The following TMEM229B variants were observed in gnomAD, a reference collection of about 807,000 sequenced individuals.
TMEM229B encodes the protein transmembrane protein 229B.
In TMEM229B, 6 loss-of-function variants were observed where a neutral mutation model predicts 13.7. That is an observed-to-expected ratio of 0.44 (90% CI 0.24 to 0.86). TMEM229B has a LOEUF of 0.86. TMEM229B is among the 40% of genes least tolerant of loss of function. TMEM229B has a pLI of 0.23. For missense variants in TMEM229B, 170 were observed against 236.0 expected (o/e 0.72, Z 1.83); for synonymous variants, 107 against 102.1 (o/e 1.05, Z -0.29).
intron 1 of TMEM229B, among the ~76,000 whole-genome samples, chr14:67,488,072 C>G (rs1216359220): frequency 6.6e-6 from 1 of 152,246 alleles, no homozygotes; most frequent in Non-Finnish European, 1.5e-5. Context: ...AAGGACAGCA[C>G]TCAGGCCCAG....
At chr14:67,481,181 G>A (rs914318916) in intron 2 of TMEM229B, among the ~76,000 whole-genome samples, 2 of 152,146 alleles carry the variant, frequency 1.3e-5, no homozygotes, top group African/African-American at 2.4e-5. Context: ...AGTCCCAGAC[G>A]CTAAGGCAGG....
chr14:67,477,080 C>T lies in TMEM229B; in HGVS notation c.-18-3139G>A, dbSNP rs1184950336. Among the ~76,000 whole-genome samples the T allele has an allele frequency of 7.9e-5, 12 of 152,072 alleles. No individual in the cohort carries two copies. In the South Asian group the frequency reaches 1.7e-3, roughly 21 times the overall value. On this transcript the variant is annotated intron_variant, in intron 2 of 2. Transcript: ENST00000554480. Reference sequence around the variant, plus strand: ...ACTTAGGAGGCTGAGACAGGAGAACCGCTTGAACCTGGGAGGTGGAGGTTG... The same window carrying T: ...ACTTAGGAGGCTGAGACAGGAGAACTGCTTGAACCTGGGAGGTGGAGGTTG...
Position 67,473,483 on chromosome 14 carries a change from G to A in TMEM229B, c.441C>T (p.Asp147=), listed in dbSNP as rs763568464. Reference sequence around the variant, plus strand: ...CGCCGCTGGGCTCCCCGGGCTCAGCGTCCTTGTCGAAGCGGAGGCGGAGGG... The same window carrying A: ...CGCCGCTGGGCTCCCCGGGCTCAGCATCCTTGTCGAAGCGGAGGCGGAGGG... ...RNTLRLRFDK[D]AEPGEPSGAL... The change falls in exon 3 of 3, where the codon GAC becomes GAT. Residue 147 remains aspartate (D), a synonymous_variant. Transcript: ENST00000554480. This position sits in a 1 kb window ranked among gnomAD's most constrained non-coding sequence, Gnocchi z 6.5. The A allele has an allele frequency of 1.1e-5, 17 of 1,614,090 alleles. No individual in the cohort carries two copies. Among genetic ancestry groups the A allele is most frequent in the East Asian group, 4.5e-5 (2 of 44,890 alleles).
At chr14:67,495,006 T>C (rs537383180) in intron 1 of TMEM229B, among the ~76,000 whole-genome samples, 2 of 152,326 alleles carry the variant, frequency 1.3e-5, no homozygotes, top group South Asian at 2.1e-4. Flanking sequence ...CAGGTGAATC[T>C]GGGTAAAGAG....
At chr14:67,520,536 A>C (rs113160497) in intron 1 of TMEM229B, among the ~76,000 whole-genome samples, 9 of 152,394 alleles carry the variant, frequency 5.9e-5, no homozygotes, top group African/African-American at 1.9e-4. Context: ...TCAGCATTGA[A>C]TAATATTCCA....
At position 67,471,921 on chromosome 14, in the gene TMEM229B, G is replaced by T. The variant is rs1316133; in HGVS notation, c.*1499C>A. On this transcript the variant is annotated 3_prime_UTR_variant, in exon 3 of 3. Coordinates refer to ENST00000554480, the MANE Select transcript of TMEM229B (RefSeq NM_001348543.2). ...TCAAGAAGAGACCATGTACCATGGG[G>T]TGGGCCACTTTCTAACGGACCCTTC... The T allele has an allele frequency of 6.6e-6, 1 of 152,150 alleles. No individual in the cohort carries two copies. Among genetic ancestry groups the T allele is most frequent in the Admixed American group, 6.5e-5 (1 of 15,278 alleles). The allele number at this position is 152,150 out of a possible 1,614,324, so 9.4% of individuals were successfully genotyped here.
At chr14:67,514,937 CG>C (rs2033152236) in intron 1 of TMEM229B, 1 of 151,998 alleles carries the variant, frequency 6.6e-6, no homozygotes, top group African/African-American at 2.4e-5. Context: ...AAAGAGGAAG[CG>C]GGATCTGCTA....
At chr14:67,476,772 C>T (rs1293592045) in intron 2 of TMEM229B, among the ~76,000 whole-genome samples, 1 of 152,058 alleles carries the variant, frequency 6.6e-6, no homozygotes, top group East Asian at 1.9e-4. Context: ...GAACTCATCC[C>T]CTGCACATGA....
intron 1 of TMEM229B, among the ~76,000 whole-genome samples, chr14:67,525,875 C>G (rs989912094): frequency 6.6e-6 from 1 of 152,216 alleles, no homozygotes; most frequent in Non-Finnish European, 1.5e-5. Flanking sequence ...GAAATTTCTA[C>G]TTTCAAGATC....
At chr14:67,478,422 C>T (rs987218953) in intron 2 of TMEM229B, among the ~76,000 whole-genome samples, 3 of 152,246 alleles carry the variant, frequency 2.0e-5, no homozygotes, top group Non-Finnish European at 4.4e-5. Flanking sequence ...CTCTGGTTCA[C>T]GCCCTCATCA....
chr14:67,520,891 A>G (rs1312202018), intron 1 of TMEM229B, among the ~76,000 whole-genome samples: 1 of 152,238 alleles, frequency 6.6e-6, no homozygotes, highest in Non-Finnish European at 1.5e-5. Context: ...AAATTTCCAA[A>G]CTGTCTTCCA....
intron 1 of TMEM229B, among the ~76,000 whole-genome samples, chr14:67,511,317 C>T (rs1594715117): frequency 1.3e-5 from 2 of 151,548 alleles, no homozygotes; most frequent in Admixed American, 1.3e-4. Flanking sequence ...TTAGCTCTCC[C>T]TACATTAATT....
chr14:67,504,419 C>T (rs61988190), intron 1 of TMEM229B, among the ~76,000 whole-genome samples: 110,662 of 152,076 alleles, frequency 0.73, 42,092 homozygotes, highest in Non-Finnish European at 0.85. Flanking sequence ...TTATAAGCTA[C>T]CAATAAATGT....
chr14:67,479,311 CAGA>C (rs1404231095), intron 2 of TMEM229B, among the ~76,000 whole-genome samples: 1 of 150,254 alleles, frequency 6.7e-6, no homozygotes, highest in Non-Finnish European at 1.5e-5. Flanking sequence ...GAGGCTGAGG[CAGA>C]AGAATTGCTT....
chr14:67,514,649 C>T (rs1301984293), intron 1 of TMEM229B, among the ~76,000 whole-genome samples: 1 of 152,154 alleles, frequency 6.6e-6, no homozygotes, highest in Non-Finnish European at 1.5e-5. Context: ...GCCCTGGCTC[C>T]CCAGCTTCCA....
chr14:67,496,505 T>C (rs146334260), intron 1 of TMEM229B, among the ~76,000 whole-genome samples: 282 of 143,242 alleles, frequency 2.0e-3, no homozygotes, highest in African/African-American at 7.1e-3. Context: ...CCAGGTTCAA[T>C]AGGGTGTGCG....
chr14:67,514,887 C>T (rs2140255098), intron 1 of TMEM229B, among the ~76,000 whole-genome samples: 1 of 152,346 alleles, frequency 6.6e-6, no homozygotes, highest in African/African-American at 2.4e-5. Context: ...TAATCTGCGG[C>T]TGGATCTCGA....
chr14:67,490,197 C>A (rs1160540736), upstream of TMEM229B, among the ~76,000 whole-genome samples: 1 of 152,158 alleles, frequency 6.6e-6, no homozygotes, highest in East Asian at 1.9e-4. Context: ...AGGCCACCAT[C>A]ACAGATGAGC....
intron 1 of TMEM229B, among the ~76,000 whole-genome samples, chr14:67,526,256 C>A (rs183468387): frequency 3.3e-5 from 5 of 152,378 alleles, no homozygotes; most frequent in Admixed American, 2.6e-4. Flanking sequence ...AGTGCCAGCT[C>A]TGTATCCCAT....
Sources: allele counts gnomAD v4.1 joint callset (sites outside exome capture counted in the v4.1 genomes callset), GRCh38; gene constraint gnomAD v4.1.1; non-coding constraint Gnocchi (gnomAD v3.1); transcripts MANE v1.5; gene names NCBI Gene and HGNC (gene_info 2026-07-23, HGNC 2026-07-21).